Variants in WASHC2C observed in about 807,000 individuals in gnomAD.
WASHC2C encodes WASH complex subunit 2C.
WASHC2C carries 73 observed loss-of-function variants against 142.2 expected under a neutral mutation model. The ratio of observed to expected loss-of-function variants is 0.51; its 90% confidence interval spans 0.43 to 0.62. WASHC2C has a LOEUF of 0.62. WASHC2C is among the 20% of genes least tolerant of loss of function. WASHC2C has a pLI of 0.00. For synonymous variants in WASHC2C, 337 were observed against 565.5 expected (o/e 0.60, Z 5.73); for missense variants, 969 against 1,531.7 (o/e 0.63, Z 6.13).
At chr10:45,731,635 C>G (rs1230919391) in intron 3 of WASHC2C, among the ~76,000 whole-genome samples, 4 of 151,724 alleles carry the variant, frequency 2.6e-5, no homozygotes, top group East Asian at 3.9e-4. Flanking sequence ...TGCTGGTTGC[C>G]GCTGCCAAAT....
intron 7 of WASHC2C, among the ~76,000 whole-genome samples, chr10:45,745,873 A>G (rs1358742935): frequency 1.4e-5 from 2 of 147,096 alleles, no homozygotes; most frequent in Non-Finnish European, 3.0e-5. Context: ...GCACCCATTA[A>G]CTCGTCATCT....
chr10:45,759,081 C>G (rs2134981355), intron 16 of WASHC2C, among the ~76,000 whole-genome samples: 1 of 138,892 alleles, frequency 7.2e-6, no homozygotes, highest in Admixed American at 7.8e-5. Context: ...TATGTCCCAT[C>G]TGTGCACCCA....
chr10:45,740,717 G>A (rs12255354), intron 5 of WASHC2C, among the ~76,000 whole-genome samples: 24,623 of 150,824 alleles, frequency 0.16, 508 homozygotes, highest in Admixed American at 0.22. Flanking sequence ...GGTTGTTTCC[G>A]GTTTGGGCAA....
chr10:45,727,153 C>T, upstream of WASHC2C: 2 of 1,435,812 alleles, frequency 1.4e-6, no homozygotes, highest in South Asian at 3.0e-5. Context: ...GCAGCTTCCT[C>T]CCCTCAGCAT....
intron 5 of WASHC2C, among the ~76,000 whole-genome samples, chr10:45,740,815 C>G (rs1396335809): frequency 9.2e-5 from 14 of 152,180 alleles, no homozygotes; most frequent in Non-Finnish European, 1.8e-4. Flanking sequence ...CACACTTTCT[C>G]CCACATTGTT....
intron 30 of WASHC2C, among the ~76,000 whole-genome samples, chr10:45,791,741 A>G (rs1252784221): frequency 2.7e-5 from 4 of 146,222 alleles, no homozygotes; most frequent in Non-Finnish European, 4.6e-5. Flanking sequence ...TTACTGGGTA[A>G]TTACCATAAT....
intron 30 of WASHC2C, 26 bp from the exon 31 acceptor site, chr10:45,792,235 A>G (rs2058434153): frequency 6.4e-7 from 1 of 1,563,682 alleles, no homozygotes; most frequent in Non-Finnish European, 8.7e-7. Context: ...CTCTTCAGCA[A>G]CTGTTTTTCT....
chr10:45,728,035 G>A (rs2050101854), intron 2 of WASHC2C, among the ~76,000 whole-genome samples: 1 of 152,138 alleles, frequency 6.6e-6, no homozygotes, highest in African/African-American at 2.4e-5. Context: ...AACCAAAGAG[G>A]ACTTTTAAAA....
rs782151556 is a variant in WASHC2C, at chr10:45,755,159, G to C, written c.1420+44G>C. The C allele has an allele frequency of 9.0e-6, 14 of 1,560,412 alleles. No homozygotes were observed. The African/African-American group carries it at 1.8e-4, about 20-fold the overall frequency. On this transcript the variant is annotated intron_variant, in intron 15 of 30. Coordinates refer to ENST00000623400, the MANE Select transcript of WASHC2C (RefSeq NM_001330074.2). Reference sequence around the variant, plus strand: ...GTTTCTAGGACTTCAGCCAGAAAAAGAATGTTGCCTAAAAAGAACATAAGC... The same window carrying C: ...GTTTCTAGGACTTCAGCCAGAAAAACAATGTTGCCTAAAAAGAACATAAGC...
At chr10:45,765,928 A>G in intron 19 of WASHC2C, 118 bp downstream of exon 19, 1 of 1,437,078 alleles carries the variant, frequency 7.0e-7, no homozygotes, top group Non-Finnish European at 9.4e-7. Flanking sequence ...ACCAAAGGCG[A>G]TGTTCACAAG....
rs1393192163 is a variant in WASHC2C, at chr10:45,754,821, G to A, written c.1241-115G>A. 11 of 1,358,006 alleles carry A rather than the reference G, an allele frequency of 8.1e-6. No individual in the cohort carries two copies. The African/African-American group carries it at 1.3e-4, about 16-fold the overall frequency. The allele number at this position is 1,358,006 out of a possible 1,614,324, so 84.1% of individuals were successfully genotyped here. On this transcript the variant is annotated intron_variant, in intron 14 of 30. Transcript: ENST00000623400. The stretch of plus-strand genomic sequence containing the variant: ...GATGGAGGCTATTGGGCCCTGTTAT[G>A]CATTTTGTGGATTAACTGAAATGGA...
chr10:45,730,219 G>A (rs2050383284), intron 3 of WASHC2C, among the ~76,000 whole-genome samples: 1 of 116,538 alleles, frequency 8.6e-6, no homozygotes, highest in Non-Finnish European at 1.8e-5. Flanking sequence ...GGTGGCGCAT[G>A]CCTGTAATCC....
rs2058238104 is a variant in WASHC2C, at chr10:45,788,901, C to T, written c.3118C>T (p.Pro1040Ser). The T allele has an allele frequency of 6.2e-7, 1 of 1,611,906 alleles. No homozygotes were observed. The highest frequency in any genetic ancestry group is 1.7e-5 in the Admixed American group (1 of 59,996). Reference sequence around the variant, plus strand: ...TGTCAAGATGAGAGGGAAGCGTAGACCGCAGACCCGTGCAGCTAGGCGGCT... The same window carrying T: ...TGTCAAGATGAGAGGGAAGCGTAGATCGCAGACCCGTGCAGCTAGGCGGCT... ...SRVKMRGKRR[P>S]QTRAARRLAA... is the part of the protein sequence containing the mutation. The change falls in exon 29 of 31, where the codon CCG becomes TCG. Residue 1040 changes from proline to serine, a missense_variant. By Grantham distance (74) the Pro-to-Ser change is moderately conservative. Transcript: ENST00000623400.
At chr10:45,785,206 A>G (rs1464608573) in intron 25 of WASHC2C, among the ~76,000 whole-genome samples, 2 of 151,858 alleles carry the variant, frequency 1.3e-5, no homozygotes, top group East Asian at 1.9e-4. Context: ...TGGGGTGGCT[A>G]AATATTCGTG....
chr10:45,743,391 A>C lies in WASHC2C; in HGVS notation c.530A>C (p.Asp177Ala). Residue 177 changes from aspartate (D) to alanine (A), a missense_variant and splice_region_variant, in exon 6 of 31, where the codon GAT (aspartate) becomes GCT (alanine). Transcript: ENST00000623400. ...GCCTATTCCTTTCATCATGTACAGG[A>C]TCTATACATTGATCGTCCTTTACCA... ...GRVELILEPK[D>A]LYIDRPLPYL... 1 of 1,611,940 alleles carries C rather than the reference A, an allele frequency of 6.2e-7. No homozygotes were observed. Among genetic ancestry groups the C allele is most frequent in the South Asian group, 1.1e-5 (1 of 90,986 alleles).
At chr10:45,770,580 C>A (rs2056479236) in intron 20 of WASHC2C, among the ~76,000 whole-genome samples, 1 of 152,062 alleles carries the variant, frequency 6.6e-6, no homozygotes, top group African/African-American at 2.4e-5. Context: ...ACATGTAAAT[C>A]CTATGCTTTG....
At chr10:45,758,332 G>T (rs528777232) in intron 16 of WASHC2C, among the ~76,000 whole-genome samples, 1 of 152,198 alleles carries the variant, frequency 6.6e-6, no homozygotes, top group East Asian at 1.9e-4. Context: ...TTGCTCAGTT[G>T]ATCTCTAAAG....
rs1322210266 is a variant in WASHC2C at position 45,774,508 on chromosome 10, CAACTT to C, written c.2142+1153_2142+1157del. Reference sequence around the variant, plus strand: ...AAATAAAACAAAAGGTCAAGACACACAACTTAAGTAGCTGAATAGCCTACACGTTT... The same window carrying C: ...AAATAAAACAAAAGGTCAAGACACACAAGTAGCTGAATAGCCTACACGTTT... On this transcript the variant is annotated intron_variant, in intron 21 of 30. Transcript: ENST00000623400. 1.1e-3 allele frequency among the ~76,000 whole-genome samples: 8 copies of C among 7,162 alleles called. No homozygotes were observed. In the South Asian group the frequency reaches 0.015, roughly 13 times the overall value. 4.7% of individuals were successfully genotyped at this position (7,162 alleles called of 152,430 possible).
chr10:45,775,660 C>T (rs1292531292), intron 21 of WASHC2C, among the ~76,000 whole-genome samples: 2 of 150,968 alleles, frequency 1.3e-5, no homozygotes, highest in South Asian at 2.1e-4. Context: ...TTTGTCTCCC[C>T]TATCAACTAT....
Sources: allele counts gnomAD v4.1 joint callset (sites outside exome capture counted in the v4.1 genomes callset), GRCh38; gene constraint gnomAD v4.1.1; transcripts MANE v1.5; gene names NCBI Gene and HGNC (gene_info 2026-07-23, HGNC 2026-07-21).